The following ZFHX3 variants were observed in gnomAD, a reference collection of about 807,000 sequenced individuals.
ZFHX3 encodes zinc finger homeobox protein 3.
Under a neutral mutation model 279.1 loss-of-function variants are expected in ZFHX3, and 42 were observed. The ratio of observed to expected loss-of-function variants is 0.15; its 90% confidence interval spans 0.12 to 0.19. The LOEUF is 0.19. Among genes scored for constraint, ZFHX3 ranks in the 10% least tolerant of loss-of-function variants. ZFHX3 has a pLI of 1.00. For synonymous variants in ZFHX3, 2,293 were observed against 1,957.8 expected (o/e 1.17, Z -4.52); for missense variants, 4,981 against 4,754.0 (o/e 1.05, Z -1.40).
At chr16:72,888,977 C>A (rs181165249) in intron 4 of ZFHX3, among the ~76,000 whole-genome samples, 1 of 150,058 alleles carries the variant, frequency 6.7e-6, no homozygotes, top group South Asian at 2.1e-4. Flanking sequence ...AAGTGGAGAG[C>A]AAGAGACTGG....
intron 5 of ZFHX3, among the ~76,000 whole-genome samples, chr16:73,239,134 T>A (rs2013042351): frequency 6.6e-6 from 1 of 152,188 alleles, no homozygotes; most frequent in Admixed American, 6.5e-5. Context: ...TTAATATTAC[T>A]ATTTTTATTC....
intron 1 of ZFHX3, among the ~76,000 whole-genome samples, chr16:73,807,612 A>T (rs888593099): frequency 3.7e-5 from 4 of 107,894 alleles, no homozygotes; most frequent in Middle Eastern, 6.3e-3. Flanking sequence ...ACATTCCACC[A>T]TGCCCCAATT....
At chr16:73,714,007 T>C (rs376208848) in intron 1 of ZFHX3, among the ~76,000 whole-genome samples, 6 of 152,138 alleles carry the variant, frequency 3.9e-5, no homozygotes, top group Admixed American at 2.6e-4. Context: ...TGGCACCAGC[T>C]TGATGTATGA....
rs765617416 is a variant in ZFHX3 at position 72,796,574 on chromosome 16, G to T, written c.6108C>A (p.Thr2036=). The T allele has an allele frequency of 6.2e-7, 1 of 1,613,170 alleles. No individual in the cohort carries two copies. Among genetic ancestry groups the T allele is most frequent in the Non-Finnish European group, 8.5e-7 (1 of 1,179,958 alleles). ...YDKLYPLRPQ[T]PEPPPPPPPP... ...GAGGGGGAGGTGGTGGTGGCTCTGGGGTCTGGGGCCTCAGTGGGTACAGTT... is the reference window on the plus strand; with the variant it reads ...GAGGGGGAGGTGGTGGTGGCTCTGGTGTCTGGGGCCTCAGTGGGTACAGTT... Residue 2036 remains threonine, a synonymous_variant, in exon 9 of 10, where the codon ACC becomes ACA. Coordinates refer to ENST00000268489, the MANE Select transcript of ZFHX3 (RefSeq NM_006885.4).
At chr16:73,349,619 T>TCCCTTCCC (rs2016188091) in intron 3 of ZFHX3, among the ~76,000 whole-genome samples, 1 of 59,088 alleles carries the variant, frequency 1.7e-5, no homozygotes, top group East Asian at 4.8e-4. Context: ...ACTTCCTCCC[T>TCCCTTCCC]CCCTTCCTCC....
chr16:73,507,465 C>T (rs952776462), intron 2 of ZFHX3, among the ~76,000 whole-genome samples: 6 of 140,778 alleles, frequency 4.3e-5, no homozygotes, highest in South Asian at 2.3e-4. Context: ...CCAGAAAATG[C>T]GTGAAATTCA....
upstream of ZFHX3, among the ~76,000 whole-genome samples, chr16:73,049,222 G>T (rs1389587444): frequency 6.6e-6 from 1 of 152,150 alleles, no homozygotes; most frequent in African/African-American, 2.4e-5. Context: ...CCCACCCTCA[G>T]TCTGAATTTA....
chr16:73,494,580 T>C (rs1397200544), intron 2 of ZFHX3, among the ~76,000 whole-genome samples: 1 of 152,156 alleles, frequency 6.6e-6, no homozygotes, highest in East Asian at 1.9e-4. Flanking sequence ...TTTGTTTTGA[T>C]GGAATTTTTT....
chr16:73,790,216 T>G (rs2142313779), intron 1 of ZFHX3, among the ~76,000 whole-genome samples: 1 of 151,706 alleles, frequency 6.6e-6, no homozygotes, highest in Middle Eastern at 3.4e-3. Flanking sequence ...GAATGTATCC[T>G]GGATCTTACA....
At chr16:73,588,117 T>C (rs542428163) in intron 2 of ZFHX3, among the ~76,000 whole-genome samples, 13 of 152,240 alleles carry the variant, frequency 8.5e-5, no homozygotes, top group Middle Eastern at 3.4e-3. Flanking sequence ...GAAACCGCTA[T>C]GAATTAGGAC....
chr16:72,882,777 C>CT (rs2038514741), intron 4 of ZFHX3, among the ~76,000 whole-genome samples: 1 of 152,260 alleles, frequency 6.6e-6, no homozygotes, highest in Admixed American at 6.5e-5. Flanking sequence ...AACAAGGCTC[C>CT]TAGATAATGG....
intron 3 of ZFHX3, among the ~76,000 whole-genome samples, chr16:72,899,473 A>G (rs760008347): frequency 2.0e-5 from 3 of 152,200 alleles, no homozygotes; most frequent in Non-Finnish European, 4.4e-5. Context: ...TGGTGAGTCA[A>G]TTAAACCTCT....
chr16:73,181,081 G>GTTTGTTTTGTTTTGTTTTGT (rs375983001), intron 5 of ZFHX3, among the ~76,000 whole-genome samples: 13 of 142,934 alleles, frequency 9.1e-5, no homozygotes, highest in Admixed American at 7.6e-4. Context: ...TTTTTTGTTT[G>GTTTGTTTTGTTTTGTTTTGT]TTTGTTTTGT....
intron 1 of ZFHX3, among the ~76,000 whole-genome samples, chr16:73,020,443 C>A (rs1465550162): frequency 6.6e-6 from 1 of 152,206 alleles, no homozygotes; most frequent in Non-Finnish European, 1.5e-5. Context: ...AGAAAAACAT[C>A]CCCCACACAG....
intron 7 of ZFHX3, chr16:73,125,198 G>GTTGT (rs1966548687): frequency 1.7e-5 from 2 of 115,026 alleles, no homozygotes; most frequent in Non-Finnish European, 3.4e-5. Flanking sequence ...GAATTGAGCT[G>GTTGT]TTTTTTTTTT....
intron 3 of ZFHX3, among the ~76,000 whole-genome samples, chr16:72,945,799 G>C (rs749803021): frequency 6.6e-6 from 1 of 152,080 alleles, no homozygotes; most frequent in Non-Finnish European, 1.5e-5. Flanking sequence ...GGACGGGAGG[G>C]AGGAAGGGGA....
At chr16:73,636,429 C>A (rs553693559) in intron 2 of ZFHX3, among the ~76,000 whole-genome samples, 9 of 152,024 alleles carry the variant, frequency 5.9e-5, no homozygotes, top group Non-Finnish European at 1.0e-4. Flanking sequence ...AGAAAAATAA[C>A]TAGGATGTAA....
chr16:73,390,559 C>A (rs1567469324), intron 3 of ZFHX3, among the ~76,000 whole-genome samples: 1 of 152,154 alleles, frequency 6.6e-6, no homozygotes. Context: ...CTCAACAAAT[C>A]ATAAAGCAGG....
At chr16:73,168,881 T>C (rs554121769) in intron 5 of ZFHX3, among the ~76,000 whole-genome samples, 6 of 152,308 alleles carry the variant, frequency 3.9e-5, no homozygotes, top group South Asian at 4.1e-4. Context: ...CTTGAGAGCA[T>C]GGCACCCTTT....
Sources: gnomAD v4.1 joint callset for allele counts (sites outside exome capture counted in the v4.1 genomes callset) on GRCh38, gnomAD v4.1.1 for gene constraint, MANE v1.5 for transcripts, NCBI Gene and HGNC (gene_info 2026-07-23, HGNC 2026-07-21) for gene names.